Variants in ITSN2 observed in about 807,000 individuals in gnomAD.
ITSN2 encodes the protein intersectin 2.
In ITSN2, 156 loss-of-function variants were observed where a neutral mutation model predicts 243.7. The ratio of observed to expected loss-of-function variants is 0.64; its 90% CI spans 0.56 to 0.73. The LOEUF (loss-of-function observed/expected upper bound fraction) is 0.73. Among genes scored for constraint, ITSN2 ranks in the 30% least tolerant of loss-of-function variants. The pLI, the probability that ITSN2 is intolerant of heterozygous loss-of-function variation, is 0.00. For missense variants in ITSN2, 1,801 were observed against 1,996.1 expected (o/e 0.90, Z 1.86); for synonymous variants, 703 against 699.9 (o/e 1.00, Z -0.07).
At chr2:24,267,820 G>C (rs1387291344) in intron 20 of ITSN2, among the ~76,000 whole-genome samples, 3 of 152,148 alleles carry the variant, frequency 2.0e-5, no homozygotes, top group Non-Finnish European at 4.4e-5. Context: ...GCCTCTCAAA[G>C]TGCTGGGATT....
At chr2:24,208,399 T>C in intron 36 of ITSN2, 80 bp from the exon 37 acceptor site, 1 of 1,037,474 alleles carries the variant, frequency 9.6e-7, no homozygotes, top group Non-Finnish European at 1.5e-6. Context: ...CTGCACATGT[T>C]CTTCAGTCTT....
In ITSN2 at chr2:24,306,152, A is replaced by T. The variant is rs577080477; in HGVS notation, c.794-2290T>A. 5.9e-5 allele frequency among the ~76,000 whole-genome samples: 9 copies of T among 152,120 alleles called. No individual in the cohort carries two copies. The South Asian group carries it at 1.9e-3, about 32-fold the overall frequency. On this transcript the variant is annotated intron_variant, in intron 8 of 39. Transcript: ENST00000355123. ...CCACCACCACGCCTGGTTAATTTTT[A>T]TATTTTTAGTAGCGATGGGGTTTCA...
chr2:24,326,691 T>C (rs1233751770), intron 2 of ITSN2: 1 of 169,032 alleles, frequency 5.9e-6, no homozygotes, highest in African/African-American at 2.4e-5. Flanking sequence ...TCTGAAAAGG[T>C]AAAACACGAA....
intron 14 of ITSN2, among the ~76,000 whole-genome samples, chr2:24,294,074 C>T (rs1005369889): frequency 4.6e-5 from 7 of 152,102 alleles, no homozygotes; most frequent in African/African-American, 1.7e-4. Flanking sequence ...AGCAGACCTG[C>T]GCTAGATGGT....
At chr2:24,329,892 T>C (rs1373855750) in intron 1 of ITSN2, among the ~76,000 whole-genome samples, 1 of 152,224 alleles carries the variant, frequency 6.6e-6, no homozygotes, top group Non-Finnish European at 1.5e-5. Context: ...TGACTGCAAC[T>C]TCCTCAAATA....
At chr2:24,351,160 T>C (rs116402241) in intron 1 of ITSN2, among the ~76,000 whole-genome samples, 2,070 of 152,312 alleles carry the variant, frequency 0.014, 40 homozygotes, top group African/African-American at 0.048. Context: ...CCTGTGGAAC[T>C]ACCTGCCTTC....
chr2:24,215,782 G>A (rs1669902305), intron 32 of ITSN2, among the ~76,000 whole-genome samples: 2 of 151,804 alleles, frequency 1.3e-5, no homozygotes, highest in African/African-American at 4.8e-5. Flanking sequence ...TTTCTTGGGA[G>A]TATAAAGTAG....
chr2:24,296,056 T>A (rs1283915195), intron 13 of ITSN2, among the ~76,000 whole-genome samples: 1 of 152,126 alleles, frequency 6.6e-6, no homozygotes, highest in Admixed American at 6.6e-5. Context: ...ACATAACACA[T>A]TGAATTTTTT....
intron 2 of ITSN2, among the ~76,000 whole-genome samples, chr2:24,319,501 A>T (rs1485119823): frequency 6.6e-6 from 1 of 152,134 alleles, no homozygotes; most frequent in Admixed American, 6.5e-5. Context: ...GACCCCAGAA[A>T]ATGTATCTCC....
At chr2:24,310,459 A>ATAAT (rs1683116435) in intron 6 of ITSN2, 30 bp downstream of exon 6, 1 of 1,609,880 alleles carries the variant, frequency 6.2e-7, no homozygotes, top group South Asian at 1.1e-5. Context: ...TTTACATGAA[A>ATAAT]TAATGACTCT....
chr2:24,234,507 A>G (rs1403203370), intron 29 of ITSN2, among the ~76,000 whole-genome samples: 1 of 152,248 alleles, frequency 6.6e-6, no homozygotes, highest in Non-Finnish European at 1.5e-5. Flanking sequence ...GCTGGACTTC[A>G]TTAAATGTAA....
At chr2:24,294,309 C>T (rs1680661131) in intron 14 of ITSN2, among the ~76,000 whole-genome samples, 1 of 152,126 alleles carries the variant, frequency 6.6e-6, no homozygotes, top group African/African-American at 2.4e-5. Flanking sequence ...GCCTGTAATC[C>T]CAGCTACTCA....
chr2:24,349,421 C>G (rs1336150851), intron 1 of ITSN2, among the ~76,000 whole-genome samples: 2 of 152,088 alleles, frequency 1.3e-5, no homozygotes, highest in Non-Finnish European at 2.9e-5. Flanking sequence ...TCTGATAAAA[C>G]CTATGGTTGT....
chr2:24,282,615 T>C (rs941848697), intron 17 of ITSN2, among the ~76,000 whole-genome samples: 5 of 152,134 alleles, frequency 3.3e-5, no homozygotes, highest in Non-Finnish European at 5.9e-5. Flanking sequence ...CCACTGGGGC[T>C]TCAGCTGTAA....
chr2:24,359,008 A>C (rs1439302263), intron 1 of ITSN2, among the ~76,000 whole-genome samples: 2 of 152,176 alleles, frequency 1.3e-5, no homozygotes, highest in African/African-American at 2.4e-5. Flanking sequence ...AGCAATGCAC[A>C]TTTTTTCCAC....
chr2:24,322,615 A>G (rs760432077), intron 2 of ITSN2, among the ~76,000 whole-genome samples: 10 of 152,230 alleles, frequency 6.6e-5, no homozygotes, highest in Admixed American at 4.6e-4. Context: ...TAGATATAAG[A>G]TAAAACTTCC....
intron 1 of ITSN2, among the ~76,000 whole-genome samples, chr2:24,339,420 G>A (rs1482532713): frequency 6.6e-6 from 1 of 150,518 alleles, no homozygotes. Context: ...GCAGTGACCT[G>A]AGATTGCGCC....
chr2:24,219,976 CAGTG>C (rs1670293846), intron 30 of ITSN2, among the ~76,000 whole-genome samples: 1 of 152,214 alleles, frequency 6.6e-6, no homozygotes, highest in Non-Finnish European at 1.5e-5. Context: ...TCCCTGTTCT[CAGTG>C]AGCCCACAGG....
At chr2:24,243,074 A>G (rs1672923167) in intron 29 of ITSN2, among the ~76,000 whole-genome samples, 1 of 152,192 alleles carries the variant, frequency 6.6e-6, no homozygotes, top group Non-Finnish European at 1.5e-5. Flanking sequence ...CCAGCAAACA[A>G]TTAGTACTTA....
Sources: allele counts gnomAD v4.1 joint callset (sites outside exome capture counted in the v4.1 genomes callset), GRCh38; gene constraint gnomAD v4.1.1; transcripts MANE v1.5; gene names NCBI Gene and HGNC (gene_info 2026-07-23, HGNC 2026-07-21).